The following PATJ variants were observed in gnomAD, a reference collection of about 807,000 sequenced individuals.
The protein encoded by PATJ is PATJ crumbs cell polarity complex component.
PATJ carries 190 observed loss-of-function variants against 224.9 expected under a neutral mutation model. The observed-to-expected ratio is 0.84, with a 90% CI of 0.75 to 0.95. The LOEUF is 0.95. PATJ is among the 40% of genes least tolerant of loss of function. The pLI is 0.00. For synonymous variants in PATJ, 769 were observed against 820.3 expected, an observed-to-expected ratio of 0.94 and a Z score of 1.07; for missense variants, 2,121 against 2,270.3, an observed-to-expected ratio of 0.93 and a Z score of 1.34.
intron 41 of PATJ, among the ~76,000 whole-genome samples, chr1:62,141,231 G>C (rs977477773): frequency 6.6e-6 from 1 of 151,820 alleles, no homozygotes; most frequent in Non-Finnish European, 1.5e-5. Context: ...CAAGATTCTA[G>C]ATTTGGATTT....
At chr1:61,960,612 G>A (rs1681132301) in intron 27 of PATJ, among the ~76,000 whole-genome samples, 1 of 150,358 alleles carries the variant, frequency 6.7e-6, no homozygotes, top group African/African-American at 2.5e-5. Flanking sequence ...GCAGTGAGCC[G>A]AGATCATGCC....
At chr1:62,113,924 C>T (rs1022816067) in intron 34 of PATJ, 129 bp from the exon 35 acceptor site, 2 of 832,468 alleles carry the variant, frequency 2.4e-6, no homozygotes, top group South Asian at 1.7e-5. Context: ...GTGGTCACTA[C>T]CTGTTTGCCT....
chr1:61,981,913 C>T (rs374325062), intron 27 of PATJ, among the ~76,000 whole-genome samples: 57 of 152,232 alleles, frequency 3.7e-4, no homozygotes, highest in African/African-American at 1.4e-3. Context: ...AGGTGATCCA[C>T]CCGCCTTGGC....
In PATJ at chr1:61,766,490, T is replaced by C. The variant is rs1487685696; in HGVS notation, c.384+17T>C. ...ATGGCTCAGGTAAAGTTGTATCTTC[T>C]CATGGAAATATTTAGCTTCATTTCT... On this transcript the variant is annotated intron_variant, in intron 4 of 43. Transcript: ENST00000642238. 3 of 1,537,656 alleles carry C rather than the reference T, an allele frequency of 2.0e-6. No homozygotes were observed. The South Asian group carries it at 3.6e-5, about 19-fold the overall frequency.
intron 17 of PATJ, among the ~76,000 whole-genome samples, chr1:61,849,292 A>G (rs17380420): frequency 0.056 from 8,456 of 152,268 alleles, 309 homozygotes; most frequent in South Asian, 0.11. Context: ...TTAATAACAT[A>G]CCATTAAGAC....
chr1:61,850,825 TG>T (rs1298848051), intron 17 of PATJ, among the ~76,000 whole-genome samples: 1 of 152,186 alleles, frequency 6.6e-6, no homozygotes. Flanking sequence ...CATGATGGTG[TG>T]AGAATTAAAT....
At chr1:61,864,202 C>G in intron 19 of PATJ, 36 bp from the exon 20 acceptor site, 1 of 1,543,154 alleles carries the variant, frequency 6.5e-7, no homozygotes. Flanking sequence ...TCAGGACAGG[C>G]GTAACTTCAC....
At chr1:62,028,868 C>T (rs779568304) in intron 29 of PATJ, among the ~76,000 whole-genome samples, 2 of 152,070 alleles carry the variant, frequency 1.3e-5, no homozygotes, top group African/African-American at 2.4e-5. Flanking sequence ...GTGGGAGGTT[C>T]GCTTGAGCCT....
rs115668145 is a variant in PATJ at position 61,929,330 on chromosome 1, T to C, written c.3670+1501T>C. Among the ~76,000 whole-genome samples, 900 of 152,308 alleles carry C rather than the reference T, an allele frequency of 5.9e-3. 6 individuals are homozygous for C. Among genetic ancestry groups the C allele is most frequent in the African/African-American group, 0.021 (865 of 41,570 alleles). ...GTTCTATTACTTGCTAGTTGTGAGT[T>C]TTTGGAAAAGTTATTTAACTTCTTC... On this transcript the variant is annotated intron_variant, in intron 27 of 43. Coordinates refer to ENST00000642238, the MANE Select transcript of PATJ (RefSeq NM_001350145.3).
intron 12 of PATJ, among the ~76,000 whole-genome samples, chr1:61,802,850 C>T (rs1274922083): frequency 6.6e-6 from 1 of 152,064 alleles, no homozygotes; most frequent in African/African-American, 2.4e-5. Context: ...CACACAGTTC[C>T]CTGCACAAAA....
chr1:62,057,064 G>A (rs546109768), intron 31 of PATJ, among the ~76,000 whole-genome samples: 4 of 152,260 alleles, frequency 2.6e-5, no homozygotes, highest in Admixed American at 1.3e-4. Flanking sequence ...CTGGCCTCAG[G>A]TGATCTCCCC....
intron 7 of PATJ, among the ~76,000 whole-genome samples, chr1:61,784,541 T>G (rs971857814): frequency 6.6e-6 from 1 of 152,192 alleles, no homozygotes; most frequent in Non-Finnish European, 1.5e-5. Context: ...TCATTTTAAA[T>G]TAAGAGTTGA....
At chr1:62,028,964 A>AATACATACATACATAC (rs66669120) in intron 29 of PATJ, among the ~76,000 whole-genome samples, 69,004 of 147,288 alleles carry the variant, frequency 0.47, 16,531 homozygotes, top group East Asian at 0.58. Flanking sequence ...CCTGTCTCAA[A>AATACATACATACATAC]ATACATACAT....
In PATJ at chr1:61,833,101, T is replaced by C. The variant is rs546674089; in HGVS notation, c.1981-553T>C. On this transcript the variant is annotated intron_variant, in intron 16 of 43. Transcript: ENST00000642238. ...TTTTATTCATTTTAGACTTAAATGA[T>C]GTCCAAAGACTTGGATTTTTTTTTT... 3.5e-4 allele frequency among the ~76,000 whole-genome samples: 54 copies of C among 152,226 alleles called. 1 individual carries two copies. In the South Asian group the frequency reaches 0.01, roughly 29 times the overall value.
rs553864226 is a variant in PATJ at position 62,077,705 on chromosome 1, A to C, written c.4126-1745A>C. On this transcript the variant is annotated intron_variant, in intron 31 of 43. Transcript: ENST00000642238. ...CCTGTCCAAAAAAAAAAAAAAAAGAAGATGGTGATAGAAAAACTGCAGGAA... is the reference window on the plus strand; with the variant it reads ...CCTGTCCAAAAAAAAAAAAAAAAGACGATGGTGATAGAAAAACTGCAGGAA... Among the ~76,000 whole-genome samples, 119 of 151,752 alleles carry C rather than the reference A, an allele frequency of 7.8e-4. 1 individual carries two copies. The highest frequency in any genetic ancestry group is 3.2e-3 in the Admixed American group (48 of 15,230).
chr1:61,979,568 G>A (rs1048716747), intron 27 of PATJ, among the ~76,000 whole-genome samples: 1 of 151,334 alleles, frequency 6.6e-6, no homozygotes, highest in African/African-American at 2.4e-5. Flanking sequence ...CAGGATAGTG[G>A]CTTGAACTCG....
At chr1:61,834,134 G>A (rs1659794025) in intron 17 of PATJ, among the ~76,000 whole-genome samples, 1 of 152,114 alleles carries the variant, frequency 6.6e-6, no homozygotes, top group African/African-American at 2.4e-5. Flanking sequence ...ATACAGTTCA[G>A]TCGTTTTTAG....
intron 26 of PATJ, among the ~76,000 whole-genome samples, chr1:61,922,283 G>A (rs1053907010): frequency 1.3e-5 from 2 of 151,994 alleles, no homozygotes; most frequent in Admixed American, 6.6e-5. Flanking sequence ...GACATCAGGC[G>A]ATCTGCCCGC....
intron 17 of PATJ, among the ~76,000 whole-genome samples, chr1:61,839,717 C>CTTTTTGAAT (rs1660768688): frequency 6.6e-6 from 1 of 152,036 alleles, no homozygotes; most frequent in Admixed American, 6.6e-5. Flanking sequence ...TATTGCCATC[C>CTTTTTGAAT]TTGGTACTTT....
Sources: gnomAD v4.1 joint callset for allele counts (sites outside exome capture counted in the v4.1 genomes callset) on GRCh38, gnomAD v4.1.1 for gene constraint, MANE v1.5 for transcripts, NCBI Gene and HGNC (gene_info 2026-07-23, HGNC 2026-07-21) for gene names.